ST3GAL2: variants seen among roughly 807,000 people sequenced by gnomAD.
ST3GAL2 encodes the protein CMP-N-acetylneuraminate-beta-galactosamide-alpha-2,3-sialyltransferase 2.
In ST3GAL2, 16 loss-of-function variants were observed where a neutral mutation model predicts 37.5. The ratio of observed to expected loss-of-function variants is 0.43; its 90% confidence interval spans 0.29 to 0.65. The LOEUF (loss-of-function observed/expected upper bound fraction) is 0.65. ST3GAL2 is among the 30% of genes least tolerant of loss of function. The probability of loss-of-function intolerance (pLI) is 0.17; values close to 1 mark genes in which losing one functional copy is unlikely to be tolerated. For synonymous variants in ST3GAL2, 238 were observed against 202.9 expected, an observed-to-expected ratio of 1.17 and a Z score of -1.47; for missense variants, 383 against 487.8, an observed-to-expected ratio of 0.79 and a Z score of 2.02.
At chr16:70,438,076 G>A (rs2151683888) in intron 1 of ST3GAL2, among the ~76,000 whole-genome samples, 2 of 152,332 alleles carry the variant, frequency 1.3e-5, no homozygotes, top group East Asian at 3.9e-4. Flanking sequence ...GGAGATGGAT[G>A]CAGTTGGCAA....
chr16:70,431,986 T>TATATATATA (rs5817697), intron 1 of ST3GAL2, among the ~76,000 whole-genome samples: 1 of 133,686 alleles, frequency 7.5e-6, no homozygotes, highest in African/African-American at 3.7e-5. Context: ...TATATATATA[T>TATATATATA]TTTTTTTTAA....
At chr16:70,396,811 C>A (rs1474514132) in intron 2 of ST3GAL2, among the ~76,000 whole-genome samples, 1 of 152,128 alleles carries the variant, frequency 6.6e-6, no homozygotes, top group East Asian at 1.9e-4. Context: ...ACCAGATGGC[C>A]TGCAGAGCCT....
chr16:70,435,854 G>A (rs1197934937), intron 1 of ST3GAL2, among the ~76,000 whole-genome samples: 7 of 151,626 alleles, frequency 4.6e-5, no homozygotes, highest in African/African-American at 9.7e-5. Context: ...CTAGCTGGGC[G>A]GAGTAGCTCA....
chr16:70,424,137 C>A (rs1309962299), intron 1 of ST3GAL2, among the ~76,000 whole-genome samples: 1 of 150,740 alleles, frequency 6.6e-6, no homozygotes, highest in East Asian at 2.1e-4. Context: ...CAGGCATGCG[C>A]CATGACGCCC....
chr16:70,389,176 G>C (rs1361790409), intron 3 of ST3GAL2, among the ~76,000 whole-genome samples: 1 of 94,316 alleles, frequency 1.1e-5, no homozygotes, highest in African/African-American at 4.0e-5. Context: ...TCAGGAGATC[G>C]AGACCACGGT....
intron 1 of ST3GAL2, among the ~76,000 whole-genome samples, chr16:70,432,035 G>C (rs567736933): frequency 3.6e-4 from 54 of 151,252 alleles, no homozygotes; most frequent in Non-Finnish European, 7.7e-4. Flanking sequence ...TGTAGTTGCT[G>C]CAGCTACTCA....
At chr16:70,395,546 C>G (rs2047509852) in intron 2 of ST3GAL2, among the ~76,000 whole-genome samples, 2 of 152,202 alleles carry the variant, frequency 1.3e-5, no homozygotes, top group African/African-American at 4.8e-5. Flanking sequence ...CCTGGTCAGC[C>G]TACAGGGGGC....
intron 1 of ST3GAL2, among the ~76,000 whole-genome samples, chr16:70,409,492 C>T (rs910206761): frequency 5.3e-5 from 8 of 152,092 alleles, no homozygotes; most frequent in Non-Finnish European, 1.0e-4. Context: ...TACAGGCATG[C>T]GCCACCATGC....
At chr16:70,421,617 T>A (rs537923208) in intron 1 of ST3GAL2, among the ~76,000 whole-genome samples, 71 of 152,308 alleles carry the variant, frequency 4.7e-4, no homozygotes, top group African/African-American at 1.6e-3. Context: ...TACACAGGCA[T>A]CGCCCACATG....
rs746423221 is a variant in ST3GAL2 at position 70,399,523 on chromosome 16, G to A, written c.-993C>T. 3 of 398,066 alleles carry A rather than the reference G, an allele frequency of 7.5e-6. No individual in the cohort carries two copies. Among genetic ancestry groups the A allele is most frequent in the African/African-American group, 2.1e-5 (1 of 48,620 alleles). 24.7% of individuals were successfully genotyped at this position (398,066 alleles called of 1,614,324 possible). A position where few individuals can be genotyped will look rare whatever the true frequency, so the allele number is the denominator to read the frequency against. ...TTCACATGTCGGGCGCCAGGCTGCC[G>A]CAGCACGACCCTAGAATGGCAGAGA... On this transcript the variant is annotated 5_prime_UTR_variant, in exon 2 of 7. Coordinates refer to ENST00000342907, the MANE Select transcript of ST3GAL2 (RefSeq NM_006927.4).
chr16:70,415,780 T>C (rs1161264841), intron 1 of ST3GAL2, among the ~76,000 whole-genome samples: 12 of 144,640 alleles, frequency 8.3e-5, no homozygotes, highest in African/African-American at 2.9e-4. Flanking sequence ...TTTTTTTTTT[T>C]TTCTTTTCTG....
At chr16:70,411,792 C>A (rs181694901) in intron 1 of ST3GAL2, among the ~76,000 whole-genome samples, 42 of 152,102 alleles carry the variant, frequency 2.8e-4, no homozygotes, top group African/African-American at 1.0e-3. Flanking sequence ...GTTGGGAGTT[C>A]GAGAGCAGCC....
chr16:70,405,752 G>A (rs920785038), intron 1 of ST3GAL2, among the ~76,000 whole-genome samples: 2 of 151,820 alleles, frequency 1.3e-5, no homozygotes, highest in Admixed American at 6.6e-5. Context: ...AAAATTGTTT[G>A]TGGTGAATAG....
chr16:70,413,633 G>A (rs2047654901), intron 1 of ST3GAL2, among the ~76,000 whole-genome samples: 1 of 150,094 alleles, frequency 6.7e-6, no homozygotes, highest in African/African-American at 2.5e-5. Flanking sequence ...CTACTCCGGA[G>A]GCTGAGGCAG....
chr16:70,403,916 G>C (rs887634698), intron 1 of ST3GAL2, among the ~76,000 whole-genome samples: 5 of 152,084 alleles, frequency 3.3e-5, no homozygotes, highest in African/African-American at 4.8e-5. Context: ...GATCACTTGA[G>C]CCCAGGAGTT....
intron 6 of ST3GAL2, 87 bp from the exon 7 acceptor site, chr16:70,381,949 G>T: frequency 6.4e-7 from 1 of 1,554,834 alleles, no homozygotes; most frequent in Non-Finnish European, 8.7e-7. Flanking sequence ...GAGGAGAGGG[G>T]ACGGGAGGCC....
intron 1 of ST3GAL2, among the ~76,000 whole-genome samples, chr16:70,402,283 CAAAAAAAAA>C (rs1042560583): frequency 4.9e-5 from 2 of 40,716 alleles, no homozygotes; most frequent in African/African-American, 1.0e-4. Flanking sequence ...AACTATTTCT[CAAAAAAAAA>C]AAAAAAAAAA....
chr16:70,401,660 T>TCA (rs1394937928), intron 1 of ST3GAL2, among the ~76,000 whole-genome samples: 1 of 152,102 alleles, frequency 6.6e-6, no homozygotes, highest in African/African-American at 2.4e-5. Flanking sequence ...TCACAGCTAC[T>TCA]CAGATCATTT....
intron 1 of ST3GAL2, among the ~76,000 whole-genome samples, chr16:70,415,577 G>C (rs1166664804): frequency 6.6e-6 from 1 of 151,804 alleles, no homozygotes; most frequent in East Asian, 1.9e-4. Context: ...TCAGCCTCCT[G>C]AGTAGCTGGG....
Sources: allele counts gnomAD v4.1 joint callset (sites outside exome capture counted in the v4.1 genomes callset), GRCh38; gene constraint gnomAD v4.1.1; transcripts MANE v1.5; gene names NCBI Gene and HGNC (gene_info 2026-07-23, HGNC 2026-07-21).